The following RAD51B variants were observed in gnomAD, a reference collection of about 807,000 sequenced individuals.
RAD51B encodes DNA repair protein RAD51 homolog 2.
A neutral mutation model predicts 42.2 loss-of-function variants in RAD51B; 38 were observed. The ratio of observed to expected loss-of-function variants is 0.90; its 90% CI spans 0.70 to 1.18. The LOEUF (loss-of-function observed/expected upper bound fraction) is 1.18. Among genes scored for constraint, RAD51B ranks in the 50% most tolerant of loss-of-function variants. The probability of loss-of-function intolerance (pLI) is 0.00; values close to 1 mark genes in which losing one functional copy is unlikely to be tolerated. For synonymous variants in RAD51B, 154 were observed against 145.2 expected, an observed-to-expected ratio of 1.06 and a Z score of -0.43; for missense variants, 373 against 400.7, an observed-to-expected ratio of 0.93 and a Z score of 0.59.
intron 7 of RAD51B, among the ~76,000 whole-genome samples, chr14:67,916,389 A>G (rs375769569): frequency 6.2e-4 from 94 of 152,000 alleles, no homozygotes; most frequent in African/African-American, 2.1e-3. Context: ...CTACAGGTGC[A>G]TGCCACCACA....
intron 7 of RAD51B, among the ~76,000 whole-genome samples, chr14:68,038,003 A>T (rs1213848490): frequency 7.2e-5 from 11 of 152,212 alleles, no homozygotes; most frequent in Admixed American, 7.2e-4. Context: ...AACTTTTCCA[A>T]GGGATCAAGC....
At chr14:68,319,138 G>A (rs532523970) in intron 8 of RAD51B, among the ~76,000 whole-genome samples, 25 of 152,250 alleles carry the variant, frequency 1.6e-4, no homozygotes, top group African/African-American at 5.8e-4. Flanking sequence ...CCCTGGAAAC[G>A]GAGGAGTTTT....
chr14:68,540,740 G>A (rs540719935), intron 10 of RAD51B: 52 of 985,404 alleles, frequency 5.3e-5, no homozygotes, highest in Middle Eastern at 5.2e-4. Context: ...GGTAGTGAGG[G>A]ACACTTTGTG....
chr14:67,966,189 G>A (rs2074774117), intron 7 of RAD51B, among the ~76,000 whole-genome samples: 1 of 152,182 alleles, frequency 6.6e-6, no homozygotes, highest in Admixed American at 6.5e-5. Context: ...TTCCAAAGGT[G>A]TAAAGAATGA....
chr14:68,365,426 C>T (rs1331924325), intron 8 of RAD51B, among the ~76,000 whole-genome samples: 3 of 152,200 alleles, frequency 2.0e-5, no homozygotes, highest in South Asian at 2.1e-4. Context: ...AGCTTACATG[C>T]GTAAACATTA....
rs533518921 is a variant in RAD51B at position 67,988,603 on chromosome 14, T to G, written c.756+101399T>G. On this transcript the variant is annotated intron_variant, in intron 7 of 10. Coordinates refer to ENST00000471583, the MANE Select transcript of RAD51B (RefSeq NM_133510.4). The stretch of plus-strand genomic sequence containing the variant: ...ACAGACATGGCTTGAGAATATTTTC[T>G]ATTTTATATGCTTGTTAATTTTTTA... Among the ~76,000 whole-genome samples, 15 of 152,374 alleles carry G rather than the reference T, an allele frequency of 9.8e-5. 1 individual carries two copies. In the South Asian group the frequency reaches 2.7e-3, roughly 27 times the overall value.
intron 8 of RAD51B, chr14:68,338,758 C>A: frequency 2.1e-6 from 1 of 485,614 alleles, no homozygotes; most frequent in Admixed American, 2.5e-5. Flanking sequence ...AGTTCTTTAA[C>A]CTTTGCCTTT....
intron 8 of RAD51B, among the ~76,000 whole-genome samples, chr14:68,327,403 A>T (rs2082271853): frequency 6.9e-6 from 1 of 144,662 alleles, no homozygotes; most frequent in Non-Finnish European, 1.5e-5. Flanking sequence ...TTTAACAAAG[A>T]GTTGTTCCAT....
intron 8 of RAD51B, among the ~76,000 whole-genome samples, chr14:68,398,566 C>T (rs1047025354): frequency 3.3e-5 from 5 of 152,112 alleles, no homozygotes; most frequent in Non-Finnish European, 7.3e-5. Flanking sequence ...ATCAGCCGCC[C>T]CTCCTACCAA....
At chr14:68,616,679 T>C (rs902921082) in intron 10 of RAD51B, among the ~76,000 whole-genome samples, 1 of 152,198 alleles carries the variant, frequency 6.6e-6, no homozygotes, top group African/African-American at 2.4e-5. Context: ...CAAAAATTTG[T>C]TCTCCCTCTT....
At chr14:67,851,206 T>C (rs1464681142) in intron 4 of RAD51B, among the ~76,000 whole-genome samples, 3 of 152,096 alleles carry the variant, frequency 2.0e-5, no homozygotes, top group African/African-American at 7.2e-5. Flanking sequence ...TAGGGAGATC[T>C]GTAAGTCCCT....
intron 7 of RAD51B, among the ~76,000 whole-genome samples, chr14:68,117,722 C>T (rs571509217): frequency 1.3e-3 from 193 of 152,248 alleles, no homozygotes; most frequent in Non-Finnish European, 2.2e-3. Flanking sequence ...CCAGAAATTG[C>T]TTTAACACCC....
chr14:68,139,273 T>C (rs1164855403), intron 7 of RAD51B, among the ~76,000 whole-genome samples: 1 of 152,084 alleles, frequency 6.6e-6, no homozygotes, highest in African/African-American at 2.4e-5. Context: ...AAATGGTTTT[T>C]TTTTTTTGGC....
chr14:68,198,547 A>G (rs1322565223), intron 7 of RAD51B, among the ~76,000 whole-genome samples: 1 of 152,188 alleles, frequency 6.6e-6, no homozygotes, highest in East Asian at 1.9e-4. Flanking sequence ...CTTTAATAAT[A>G]TGGAATTTTC....
At chr14:67,893,027 C>T (rs2043265981) in intron 7 of RAD51B, among the ~76,000 whole-genome samples, 2 of 152,070 alleles carry the variant, frequency 1.3e-5, no homozygotes, top group African/African-American at 4.8e-5. Flanking sequence ...GCTTTTGAGT[C>T]CTGTGAGTCC....
In RAD51B at chr14:67,912,360, T is replaced by C. The variant is rs146223865; in HGVS notation, c.756+25156T>C. The stretch of plus-strand genomic sequence containing the variant: ...ATTGTTGTCCTTTGAGTTTTTATGG[T>C]ACACTAGGCATTATGCTAGGTATAT... On this transcript the variant is annotated intron_variant, in intron 7 of 10. Transcript: ENST00000471583. 5.3e-5 allele frequency among the ~76,000 whole-genome samples: 8 copies of C among 152,338 alleles called. No individual in the cohort carries two copies. In the South Asian group the frequency reaches 1.0e-3, roughly 20 times the overall value.
chr14:67,922,687 C>CT (rs34206440), intron 7 of RAD51B, among the ~76,000 whole-genome samples: 11,663 of 132,396 alleles, frequency 0.088, 1,374 homozygotes, highest in African/African-American at 0.27. Flanking sequence ...AATATGTAGT[C>CT]TTTTTTTTTT....
chr14:68,522,111 G>A (rs1340715258), intron 10 of RAD51B, among the ~76,000 whole-genome samples: 1 of 152,220 alleles, frequency 6.6e-6, no homozygotes, highest in African/African-American at 2.4e-5. Flanking sequence ...TCAGGGCCGT[G>A]TGAGTGGGAT....
chr14:68,496,958 G>A (rs183379712), intron 10 of RAD51B, among the ~76,000 whole-genome samples: 105 of 152,264 alleles, frequency 6.9e-4, no homozygotes, highest in Admixed American at 1.6e-3. Context: ...GAAACTACAA[G>A]TTCTCTCTCA....
Sources: gnomAD v4.1 joint callset for allele counts (sites outside exome capture counted in the v4.1 genomes callset) on GRCh38, gnomAD v4.1.1 for gene constraint, MANE v1.5 for transcripts, NCBI Gene and HGNC (gene_info 2026-07-23, HGNC 2026-07-21) for gene names.